CARD14: variants seen among roughly 807,000 people sequenced by gnomAD.
CARD14 encodes the protein caspase recruitment domain family member 14.
CARD14 carries 107 observed loss-of-function variants against 111.5 expected under a neutral mutation model. The ratio of observed to expected loss-of-function variants is 0.96; its 90% CI spans 0.82 to 1.13. CARD14 has a LOEUF of 1.13. CARD14 is among the 50% of genes most tolerant of loss of function. CARD14 has a pLI of 0.00. For missense variants in CARD14, 1,322 were observed against 1,362.3 expected (o/e 0.97, Z 0.47); for synonymous variants, 617 against 579.6 (o/e 1.06, Z -0.93).
chr17:80,201,860 C>G lies in CARD14; in HGVS notation c.1968C>G (p.Val656=). Residue 656 remains valine, a synonymous_variant, in exon 17 of 24, where the codon GTC becomes GTG. Transcript: ENST00000648509. This position sits in a 1 kb window ranked among gnomAD's most constrained non-coding sequence, Gnocchi z 5.0. The part of the protein sequence containing the change: ...VDGFCCLSVK[V]NTDGYKRLLQ... Reference sequence around the variant, plus strand: ...GCTTCTGCTGCCTGTCTGTGAAGGTCAACACGGACGGTACACATACCACTC... The same window carrying G: ...GCTTCTGCTGCCTGTCTGTGAAGGTGAACACGGACGGTACACATACCACTC... 1 of 1,613,142 alleles carries G rather than the reference C, an allele frequency of 6.2e-7. No individual in the cohort carries two copies. Among genetic ancestry groups the G allele is most frequent in the Non-Finnish European group, 8.5e-7 (1 of 1,179,486 alleles).
In CARD14 at chr17:80,194,549, G is replaced by A. The variant is rs61625162; in HGVS notation, c.1357-642G>A. On this transcript the variant is annotated intron_variant, in intron 12 of 23. Coordinates refer to ENST00000648509, the MANE Select transcript of CARD14 (RefSeq NM_001366385.1). ...TGTGCATTAGTTCGTTCTCATGCTG[G>A]TGATACCCACATACCTGAGACTGGG... Among the ~76,000 whole-genome samples, 18 of 152,312 alleles carry A rather than the reference G, an allele frequency of 1.2e-4. No individual in the cohort carries two copies. The East Asian group carries it at 3.3e-3, about 28-fold the overall frequency.
At position 80,202,284 on chromosome 17, in the gene CARD14, C is replaced by A; in HGVS notation, c.2083C>A (p.Leu695Met). 1 of 1,613,896 alleles carries A rather than the reference C, an allele frequency of 6.2e-7. No individual in the cohort carries two copies. The highest frequency in any genetic ancestry group is 1.1e-5 in the South Asian group (1 of 91,088). ...CATGGAGGGCAGGGCCAAAGGGGAG[C>A]TGCAGGTGCATTGCAACGAGGTCCT... is the stretch of plus-strand genomic sequence containing the variant. ...LAMEGRAKGE[L>M]QVHCNEVLHV... Residue 695 changes from leucine to methionine, a missense_variant, in exon 18 of 24, where the codon CTG becomes ATG. Leu to Met is a conservative substitution (Grantham distance 15). Transcript: ENST00000648509.
At chr17:80,202,658 T>A (rs2144470985) in intron 18 of CARD14, 2 of 1,353,598 alleles carry the variant, frequency 1.5e-6, no homozygotes, top group South Asian at 3.2e-5. Flanking sequence ...TTCTTAGCTC[T>A]GGGTTTCTTA....
chr17:80,192,532 C>T lies in CARD14; in HGVS notation c.1269C>T (p.Pro423=), dbSNP rs763252645. The T allele has an allele frequency of 1.9e-6, 3 of 1,613,830 alleles. No individual in the cohort carries two copies. The Admixed American group carries it at 5.0e-5, about 27-fold the overall frequency. Reference sequence around the variant, plus strand: ...AGCAGGAAGCCAGGACCAGGGAGCCCTGTCCACGGGAGAAGCAGCGGCTGG... The same window carrying T: ...AGCAGGAAGCCAGGACCAGGGAGCCTTGTCCACGGGAGAAGCAGCGGCTGG... ...VLKQEARTRE[P]CPREKQRLVR... is the part of the protein sequence containing the mutation. The change falls in exon 12 of 24, where the codon CCC becomes CCT. Residue 423 remains proline, a synonymous_variant. Transcript: ENST00000648509.
Position 80,203,093 on chromosome 17 carries a change from C to A in CARD14, c.2219+673C>A, listed in dbSNP as rs559259425. ...GACCAGCCTGGGTAACCTGGTGAAA[C>A]CCTGTCTCTATTAAAAATACAAAAA... On this transcript the variant is annotated intron_variant, in intron 18 of 23. Transcript: ENST00000648509. This position sits in a 1 kb window ranked among gnomAD's most constrained non-coding sequence, Gnocchi z 4.6. 1 of 152,328 alleles carries A rather than the reference C, an allele frequency of 6.6e-6. No homozygotes were observed. The highest frequency in any genetic ancestry group is 2.1e-4 in the South Asian group (1 of 4,816). 9.4% of individuals were successfully genotyped at this position (152,328 alleles called of 1,614,324 possible).
intron 11 of CARD14, chr17:80,192,158 T>G: frequency 5.9e-6 from 1 of 170,314 alleles, no homozygotes; most frequent in African/African-American, 2.4e-5. Context: ...GACGGGTGGA[T>G]TTTATTTTCT....
At chr17:80,197,879 G>T (rs961695609) in intron 14 of CARD14, among the ~76,000 whole-genome samples, 123 of 152,340 alleles carry the variant, frequency 8.1e-4, no homozygotes, top group African/African-American at 2.9e-3. Flanking sequence ...TGAGGAAGGG[G>T]TGGAGGAAGA....
At chr17:80,204,777 A>G (rs1172909716) in intron 20 of CARD14, 4 of 473,514 alleles carry the variant, frequency 8.4e-6, no homozygotes, top group Non-Finnish European at 1.5e-5. Flanking sequence ...TTGGGCCTAT[A>G]GGAAACAGGA....
intron 2 of CARD14, among the ~76,000 whole-genome samples, chr17:80,175,002 G>T (rs1439968037): frequency 3.3e-5 from 5 of 151,350 alleles, no homozygotes; most frequent in East Asian, 1.9e-4. Context: ...TTAAGACAGG[G>T]TCTCAGTCTG....
rs1427536300 is a variant in CARD14 at position 80,208,198 on chromosome 17, G to A, written c.2868G>A (p.Glu956=). 6.4e-7 allele frequency: 1 copy of A among 1,554,132 alleles called. No individual in the cohort carries two copies. Among genetic ancestry groups the A allele is most frequent in the Non-Finnish European group, 8.7e-7 (1 of 1,148,842 alleles). ...EEQLLEAARQ[E]EGDLDRAPCL... is the part of the protein sequence containing the mutation. ...AGCTCCTGGAGGCTGCGAGGCAGGAGGAGGGAGACCTGGACCGGGCGCCCT... is the reference window on the plus strand; with the variant it reads ...AGCTCCTGGAGGCTGCGAGGCAGGAAGAGGGAGACCTGGACCGGGCGCCCT... The change falls in exon 24 of 24, where the codon GAG becomes GAA. Residue 956 remains glutamate, a synonymous_variant. Coordinates refer to ENST00000648509, the MANE Select transcript of CARD14 (RefSeq NM_001366385.1).
chr17:80,188,808 G>T lies in CARD14; in HGVS notation c.843+264G>T. The T allele has an allele frequency of 3.9e-6, 1 of 253,214 alleles. No homozygotes were observed. The highest frequency in any genetic ancestry group is 7.4e-6 in the Non-Finnish European group (1 of 135,308). 15.7% of individuals were successfully genotyped at this position (253,214 alleles called of 1,614,324 possible). A position where few individuals can be genotyped will look rare whatever the true frequency, so the allele number is the denominator to read the frequency against. ...GCTCATTCCTGTAATCCCAGCACTT[G>T]GGAGGCCAAGATGGGCAAGATAGCT... On this transcript the variant is annotated intron_variant, in intron 8 of 23. Coordinates refer to ENST00000648509, the MANE Select transcript of CARD14 (RefSeq NM_001366385.1). This position sits in a 1 kb window ranked among gnomAD's most constrained non-coding sequence, Gnocchi z 4.5.
rs1020493694 is a variant in CARD14, at chr17:80,208,458, C to T, written c.*113C>T. ...CTGTGGGCTCCTTGGCACATGAGGCCGGCTCTCCCCACTGGCTGGGGTCTA... is the reference window on the plus strand; with the variant it reads ...CTGTGGGCTCCTTGGCACATGAGGCTGGCTCTCCCCACTGGCTGGGGTCTA... On this transcript the variant is annotated 3_prime_UTR_variant, in exon 24 of 24. Coordinates refer to ENST00000648509, the MANE Select transcript of CARD14 (RefSeq NM_001366385.1). 5.4e-5 allele frequency: 54 copies of T among 991,636 alleles called. No homozygotes were observed. The highest frequency in any genetic ancestry group is 7.2e-5 in the Non-Finnish European group (50 of 695,908). 61.4% of individuals were successfully genotyped at this position (991,636 alleles called of 1,614,324 possible).
chr17:80,204,710 G>C (rs1203051873), intron 20 of CARD14: 1 of 400,248 alleles, frequency 2.5e-6, no homozygotes, highest in African/African-American at 2.0e-5. Context: ...GAGGAGAAGG[G>C]TGCCACTCTC....
At position 80,204,297 on chromosome 17, in the gene CARD14, G is replaced by A. The variant is rs575328953; in HGVS notation, c.2354G>A (p.Arg785His). The part of the protein sequence containing the change: ...SMDKAKASPL[R>H]LSFDRGQLDP... ...GACAAAGCCAAGGCCAGCCCTCTGCGTTTGTCCTTTGACAGGGGCCAGTTG... is the reference window on the plus strand; with the variant it reads ...GACAAAGCCAAGGCCAGCCCTCTGCATTTGTCCTTTGACAGGGGCCAGTTG... Residue 785 changes from arginine (R) to histidine (H), a missense_variant, in exon 20 of 24, where the codon CGT becomes CAT. Transcript: ENST00000648509. The A allele has an allele frequency of 3.3e-5, 53 of 1,598,008 alleles. No individual in the cohort carries two copies. Among genetic ancestry groups the A allele is most frequent in the African/African-American group, 2.4e-4 (18 of 74,698 alleles).
Position 80,198,194 on chromosome 17 carries a change from G to C in CARD14, c.1658+32G>C, listed in dbSNP as rs376111947. 167 of 1,611,880 alleles carry C rather than the reference G, an allele frequency of 1.0e-4. No homozygotes were observed. The highest frequency in any genetic ancestry group is 4.0e-4 in the Admixed American group (24 of 60,014). On this transcript the variant is annotated intron_variant, in intron 15 of 23. Coordinates refer to ENST00000648509, the MANE Select transcript of CARD14 (RefSeq NM_001366385.1). The surrounding 1 kb of genome is among the most constrained non-coding windows in gnomAD (Gnocchi z 7.5). ...AGCAGGTGGGAATCCTCCGAGGCTGGCTGGGGAACCAGGGCCAGGGAGTGG... is the reference window on the plus strand; with the variant it reads ...AGCAGGTGGGAATCCTCCGAGGCTGCCTGGGGAACCAGGGCCAGGGAGTGG...
chr17:80,190,773 G>A lies in CARD14; in HGVS notation c.964-1G>A, dbSNP rs755840892. On this transcript the variant is annotated splice_acceptor_variant, in intron 9 of 23. Transcript: ENST00000648509. LOFTEE classifies it high-confidence loss of function. The stretch of plus-strand genomic sequence containing the variant: ...CGGTCCATGTGTCCCACTCTGTCCA[G>A]TACTGGGAAGAGAAGGAACAGACCC... 6.2e-7 allele frequency: 1 copy of A among 1,614,026 alleles called. No homozygotes were observed. The highest frequency in any genetic ancestry group is 8.5e-7 in the Non-Finnish European group (1 of 1,180,026).
intron 4 of CARD14, among the ~76,000 whole-genome samples, chr17:80,181,209 C>T (rs1189612612): frequency 6.6e-6 from 1 of 151,992 alleles, no homozygotes; most frequent in African/African-American, 2.4e-5. Flanking sequence ...GGGGCCGTGG[C>T]ACTCAACCTT....
chr17:80,205,288 C>T (rs914985831), intron 21 of CARD14, 83 bp downstream of exon 21: 142 of 1,275,344 alleles, frequency 1.1e-4, no homozygotes, highest in Non-Finnish European at 1.5e-4. Context: ...CCTCCCCTTC[C>T]TCCCTCCTCC....
chr17:80,200,609 G>T (rs1284432034), intron 16 of CARD14: 1 of 152,190 alleles, frequency 6.6e-6, no homozygotes, highest in Non-Finnish European at 1.5e-5. Flanking sequence ...CGGCTTCATG[G>T]AAGACAACTT....
Sources: gnomAD v4.1 joint callset for allele counts (sites outside exome capture counted in the v4.1 genomes callset) on GRCh38, gnomAD v4.1.1 for gene constraint, Gnocchi (gnomAD v3.1) non-coding constraint, MANE v1.5 for transcripts, NCBI Gene and HGNC (gene_info 2026-07-23, HGNC 2026-07-21) for gene names.